Variants in SAYSD1 observed in about 807,000 individuals in gnomAD.
SAYSD1 encodes the protein SAYSvFN domain-containing protein 1.
SAYSD1 carries 15 observed loss-of-function variants against 14.5 expected under a neutral mutation model. The ratio of observed to expected loss-of-function variants is 1.03; its 90% CI spans 0.69 to 1.59. The LOEUF is 1.59. SAYSD1 is among the 40% of genes most tolerant of loss of function. The pLI is 0.00. For synonymous variants in SAYSD1, 105 were observed against 102.6 expected (o/e 1.02, Z -0.14); for missense variants, 247 against 227.3 (o/e 1.09, Z -0.56).
At chr6:39,108,978 G>A (rs976587362) in intron 1 of SAYSD1, among the ~76,000 whole-genome samples, 4 of 152,166 alleles carry the variant, frequency 2.6e-5, no homozygotes, top group Non-Finnish European at 5.9e-5. Context: ...GGACTTGTGT[G>A]TCTTAATTAC....
intron 1 of SAYSD1, chr6:39,109,265 T>C: frequency 6.6e-7 from 1 of 1,517,008 alleles, no homozygotes; most frequent in Non-Finnish European, 9.0e-7. Flanking sequence ...GCCTGGGATA[T>C]GGCTGGAGAG....
In SAYSD1 at chr6:39,114,883, C is replaced by T. The variant is rs765742849; in HGVS notation, c.207G>A (p.Gln69=). The T allele has an allele frequency of 4.3e-6, 7 of 1,611,742 alleles. No individual in the cohort carries two copies. Among genetic ancestry groups the T allele is most frequent in the Non-Finnish European group, 5.9e-6 (7 of 1,179,610 alleles). ...ASARAQPGLV[Q]EAAQPQGSTS... The stretch of plus-strand genomic sequence containing the variant: ...AGGGCCGAAGTTTCCATCGTCTCAC[C>T]TGAACTAGGCCGGGCTGGGCCCGGG... Residue 69 remains glutamine, a splice_region_variant and synonymous_variant, in exon 1 of 2, where the codon CAG becomes CAA. Coordinates refer to ENST00000229903, the MANE Select transcript of SAYSD1 (RefSeq NM_018322.3).
intron 1 of SAYSD1, among the ~76,000 whole-genome samples, chr6:39,108,865 G>A (rs1270897858): frequency 6.6e-6 from 1 of 152,124 alleles, no homozygotes; most frequent in Admixed American, 6.5e-5. Flanking sequence ...CACTATCACA[G>A]TCTACTGGTT....
intron 1 of SAYSD1, among the ~76,000 whole-genome samples, chr6:39,107,684 G>C (rs1231856198): frequency 1.3e-5 from 2 of 152,158 alleles, no homozygotes; most frequent in Non-Finnish European, 2.9e-5. Flanking sequence ...AGTTAGATTA[G>C]AAAGTCTGAT....
intron 1 of SAYSD1, among the ~76,000 whole-genome samples, chr6:39,106,894 A>T (rs1769516482): frequency 6.6e-6 from 1 of 152,236 alleles, no homozygotes; most frequent in South Asian, 2.1e-4. Context: ...CTCTGTGTCC[A>T]GTCCACTGTT....
At position 39,114,911 on chromosome 6, in the gene SAYSD1, C is replaced by T. The variant is rs1769709996; in HGVS notation, c.179G>A (p.Ser60Asn). ...RFLVWKPRPA[S>N]ARAQPGLVQE... ...AACTAGGCCGGGCTGGGCCCGGGCACTCGCGGGCCTAGGTTTCCATACCAG... is the reference window on the plus strand; with the variant it reads ...AACTAGGCCGGGCTGGGCCCGGGCATTCGCGGGCCTAGGTTTCCATACCAG... Residue 60 changes from serine to asparagine, a missense_variant, in exon 1 of 2, where the codon AGT (serine) becomes AAT (asparagine). By Grantham distance (46) the Ser-to-Asn change is conservative. Transcript: ENST00000229903. 1 of 1,612,760 alleles carries T rather than the reference C, an allele frequency of 6.2e-7. No homozygotes were observed. The highest frequency in any genetic ancestry group is 8.5e-7 in the Non-Finnish European group (1 of 1,179,910).
In SAYSD1 at chr6:39,114,946, T is replaced by C. The variant is rs770961798; in HGVS notation, c.144A>G (p.Leu48=). ...AATLKAAPGW[L]KRFLVWKPRP... ...TAGGTTTCCATACCAGGAACCGCTT[T>C]AGCCAGCCTGGGGCTGCCTTTAGAG... The change falls in exon 1 of 2, where the codon CTA becomes CTG. Residue 48 remains leucine, a synonymous_variant. Coordinates refer to ENST00000229903, the MANE Select transcript of SAYSD1 (RefSeq NM_018322.3). The C allele has an allele frequency of 5.6e-6, 9 of 1,613,832 alleles. No homozygotes were observed. The African/African-American group carries it at 8.0e-5, about 14-fold the overall frequency.
Position 39,104,341 on chromosome 6 carries a change from G to C in SAYSD1, c.*1091C>G, listed in dbSNP as rs188942739. ...TGAGAGAAGCCCTAACCCAATGGGA[G>C]TTTGCCTAATTTTAATGAACCCAAA... On this transcript the variant is annotated 3_prime_UTR_variant, in exon 2 of 2. Coordinates refer to ENST00000229903, the MANE Select transcript of SAYSD1 (RefSeq NM_018322.3). The C allele has an allele frequency of 6.6e-6, 1 of 152,138 alleles. No homozygotes were observed. Among genetic ancestry groups the C allele is most frequent in the East Asian group, 1.9e-4 (1 of 5,186 alleles). 9.4% of individuals were successfully genotyped at this position (152,138 alleles called of 1,614,324 possible).
At chr6:39,109,161 A>G (rs1769575740) in intron 1 of SAYSD1, among the ~76,000 whole-genome samples, 1 of 152,158 alleles carries the variant, frequency 6.6e-6, no homozygotes, top group African/African-American at 2.4e-5. Flanking sequence ...AGAGCCTTTG[A>G]GCAGAAGGCC....
chr6:39,105,124 C>T lies in SAYSD1; in HGVS notation c.*308G>A. ...GGATGTTTTAAGCTGAGAATCTCCC[C>T]AGTGCCTTTCTAGTGCTCTAAAATC... On this transcript the variant is annotated 3_prime_UTR_variant, in exon 2 of 2. Coordinates refer to ENST00000229903, the MANE Select transcript of SAYSD1 (RefSeq NM_018322.3). 3.0e-6 allele frequency: 1 copy of T among 330,550 alleles called. No individual in the cohort carries two copies. The highest frequency in any genetic ancestry group is 4.2e-5 in the South Asian group (1 of 23,854). The allele number at this position is 330,550 out of a possible 1,614,324, so 20.5% of individuals were successfully genotyped here. A position where few individuals can be genotyped will look rare whatever the true frequency, so the allele number is the denominator to read the frequency against.
At chr6:39,105,811 G>A in intron 1 of SAYSD1, 35 bp from the exon 2 acceptor site, 1 of 1,586,030 alleles carries the variant, frequency 6.3e-7, no homozygotes, top group Non-Finnish European at 8.6e-7. Context: ...AAAGAATAAA[G>A]GGTAATGGAG....
chr6:39,107,332 C>T lies in SAYSD1; in HGVS notation c.208-1556G>A, dbSNP rs556451779. Among the ~76,000 whole-genome samples the T allele has an allele frequency of 1.2e-4, 18 of 152,276 alleles. 1 individual carries two copies. In the South Asian group the frequency reaches 3.7e-3, roughly 32 times the overall value. Reference sequence around the variant, plus strand: ...CCTCCCTGGGCATCAGGGAGGGTGCCCCCTCTGCCTCCCCCAGAACTAGCT... The same window carrying T: ...CCTCCCTGGGCATCAGGGAGGGTGCTCCCTCTGCCTCCCCCAGAACTAGCT... On this transcript the variant is annotated intron_variant, in intron 1 of 1. Coordinates refer to ENST00000229903, the MANE Select transcript of SAYSD1 (RefSeq NM_018322.3).
Position 39,105,428 on chromosome 6 carries a change from G to C in SAYSD1, c.*4C>G. On this transcript the variant is annotated 3_prime_UTR_variant, in exon 2 of 2. Transcript: ENST00000229903. ...GGTTAGCTGCATGACAGCACAGCTG[G>C]GTCCTATCTCCCTGCCAGGGGTCTC... The C allele has an allele frequency of 6.2e-7, 1 of 1,612,620 alleles. No individual in the cohort carries two copies. Among genetic ancestry groups the C allele is most frequent in the East Asian group, 2.2e-5 (1 of 44,874 alleles).
At position 39,110,889 on chromosome 6, in the gene SAYSD1, A is replaced by T. The variant is rs1487497720; in HGVS notation, c.207+3994T>A. The T allele has an allele frequency of 2.0e-5, 3 of 152,260 alleles. No individual in the cohort carries two copies. The East Asian group carries it at 5.8e-4, about 29-fold the overall frequency. The allele number at this position is 152,260 out of a possible 1,614,324, so 9.4% of individuals were successfully genotyped here. On this transcript the variant is annotated intron_variant, in intron 1 of 1. Coordinates refer to ENST00000229903, the MANE Select transcript of SAYSD1 (RefSeq NM_018322.3). ...GGTGGTCTGACAAGCACTCACAACA[A>T]ATTTTGCAACATTAAAAAAAAAAGA...
Position 39,105,344 on chromosome 6 carries a change from C to T in SAYSD1, c.*88G>A. On this transcript the variant is annotated 3_prime_UTR_variant, in exon 2 of 2. Coordinates refer to ENST00000229903, the MANE Select transcript of SAYSD1 (RefSeq NM_018322.3). ...TCACAGAGCTAACCCGCAAGCTGCC[C>T]TTAGTCCTATACACCTGAAATCAAA... 2 of 1,133,488 alleles carry T rather than the reference C, an allele frequency of 1.8e-6. No individual in the cohort carries two copies. The highest frequency in any genetic ancestry group is 1.4e-5 in the South Asian group (1 of 70,308). The allele number at this position is 1,133,488 out of a possible 1,614,324, so 70.2% of individuals were successfully genotyped here.
At chr6:39,112,020 G>A (rs767289086) in intron 1 of SAYSD1, 1 of 152,074 alleles carries the variant, frequency 6.6e-6, no homozygotes, top group Non-Finnish European at 1.5e-5. Flanking sequence ...TAAAAGAACA[G>A]CTTAAACTGA....
At chr6:39,105,813 G>A (rs747452620) in intron 1 of SAYSD1, 37 bp from the exon 2 acceptor site, 43 of 1,582,248 alleles carry the variant, frequency 2.7e-5, no homozygotes, top group Non-Finnish European at 1.7e-6. Flanking sequence ...AGAATAAAGG[G>A]TAATGGAGCT....
At position 39,111,274 on chromosome 6, in the gene SAYSD1, G is replaced by A. The variant is rs559958628; in HGVS notation, c.207+3609C>T. ...GAAGAAAGCAATAGAAAGGAAGAAC[G>A]AACAAACATCCAAAGCAGAACAAGA... On this transcript the variant is annotated intron_variant, in intron 1 of 1. Coordinates refer to ENST00000229903, the MANE Select transcript of SAYSD1 (RefSeq NM_018322.3). 3.9e-5 allele frequency: 6 copies of A among 151,978 alleles called. No homozygotes were observed. In the East Asian group the frequency reaches 5.8e-4, roughly 15 times the overall value. 9.4% of individuals were successfully genotyped at this position (151,978 alleles called of 1,614,324 possible). A position where few individuals can be genotyped will look rare whatever the true frequency, so the allele number is the denominator to read the frequency against.
intron 1 of SAYSD1, chr6:39,112,353 A>AT (rs1769644485): frequency 6.5e-6 from 1 of 154,900 alleles, no homozygotes; most frequent in Admixed American, 6.5e-5. Context: ...CAAAACAAGG[A>AT]AAGACTGGAA....
Sources: allele counts gnomAD v4.1 joint callset (sites outside exome capture counted in the v4.1 genomes callset), GRCh38; gene constraint gnomAD v4.1.1; transcripts MANE v1.5; gene names NCBI Gene and HGNC (gene_info 2026-07-23, HGNC 2026-07-21).